Variants in TRAPPC12 observed in about 807,000 individuals in gnomAD.
The protein encoded by TRAPPC12 is trafficking protein particle complex subunit 12, also known as TPR repeat protein 15.
Under a neutral mutation model 69.2 loss-of-function variants are expected in TRAPPC12, and 61 were observed. That is an observed-to-expected ratio of 0.88 (90% CI 0.72 to 1.09). The LOEUF (loss-of-function observed/expected upper bound fraction) is 1.09, where lower values mean the gene tolerates loss of function less well. Among genes scored for constraint, TRAPPC12 ranks in the 50% least tolerant of loss-of-function variants. The pLI is 0.00. For missense variants in TRAPPC12, 1,101 were observed against 1,016.4 expected, an observed-to-expected ratio of 1.08 and a Z score of -1.13; for synonymous variants, 469 against 438.9, an observed-to-expected ratio of 1.07 and a Z score of -0.86.
chr2:3,437,748 A>C (rs1572159632), intron 5 of TRAPPC12, among the ~76,000 whole-genome samples: 1 of 4,440 alleles, frequency 2.3e-4, no homozygotes, highest in Non-Finnish European at 4.4e-4. Context: ...TCCCCCCATC[A>C]CCCCTGGATT....
intron 3 of TRAPPC12, among the ~76,000 whole-genome samples, chr2:3,406,182 A>G (rs1025648718): frequency 1.3e-5 from 2 of 152,182 alleles, no homozygotes; most frequent in African/African-American, 2.4e-5. Context: ...TGTCACTCAC[A>G]TGGTCACGCA....
At chr2:3,463,326 G>A (rs183809755) in intron 8 of TRAPPC12, among the ~76,000 whole-genome samples, 5 of 151,996 alleles carry the variant, frequency 3.3e-5, no homozygotes, top group South Asian at 2.1e-4. Flanking sequence ...ACACAGACAC[G>A]TGTCATGTTC....
intron 5 of TRAPPC12, among the ~76,000 whole-genome samples, chr2:3,435,102 T>C (rs1663680514): frequency 6.6e-6 from 1 of 152,124 alleles, no homozygotes; most frequent in Non-Finnish European, 1.5e-5. Context: ...AATGTCCACC[T>C]CCCACATTCA....
chr2:3,470,312 C>G (rs1344459078), intron 9 of TRAPPC12, among the ~76,000 whole-genome samples: 2 of 152,278 alleles, frequency 1.3e-5, no homozygotes, highest in Non-Finnish European at 2.9e-5. Context: ...GCTGACGTGC[C>G]CCTCCCCAGG....
chr2:3,406,051 C>G (rs1189238981), intron 3 of TRAPPC12, among the ~76,000 whole-genome samples: 1 of 152,158 alleles, frequency 6.6e-6, no homozygotes, highest in Admixed American at 6.5e-5. Context: ...GAGCAAAGTT[C>G]CCAGCTGTTC....
At chr2:3,451,947 G>A (rs1286288757) in intron 6 of TRAPPC12, among the ~76,000 whole-genome samples, 1 of 152,218 alleles carries the variant, frequency 6.6e-6, no homozygotes, top group Non-Finnish European at 1.5e-5. Context: ...ATTTGCCTGT[G>A]TGTTGACCAT....
intron 1 of TRAPPC12, among the ~76,000 whole-genome samples, chr2:3,384,602 C>G (rs1039012248): frequency 6.6e-6 from 1 of 152,170 alleles, no homozygotes; most frequent in East Asian, 1.9e-4. Flanking sequence ...TCGCATTAAA[C>G]CAACAGTACA....
At chr2:3,420,390 A>G (rs183565427) in intron 3 of TRAPPC12, among the ~76,000 whole-genome samples, 13 of 152,292 alleles carry the variant, frequency 8.5e-5, no homozygotes, top group African/African-American at 2.6e-4. Flanking sequence ...TGGATTGATG[A>G]AGAAACAGTT....
At chr2:3,469,730 G>T (rs552577747) in intron 9 of TRAPPC12, among the ~76,000 whole-genome samples, 13 of 152,286 alleles carry the variant, frequency 8.5e-5, no homozygotes, top group Admixed American at 2.6e-4. Flanking sequence ...CAGGCTGCGG[G>T]GTTGCCCCTC....
At chr2:3,453,298 C>G (rs972011244) in intron 6 of TRAPPC12, among the ~76,000 whole-genome samples, 1 of 152,232 alleles carries the variant, frequency 6.6e-6, no homozygotes, top group Non-Finnish European at 1.5e-5. Context: ...CAGACAGCTC[C>G]ATGGAGCTCC....
At chr2:3,478,638 A>C in intron 10 of TRAPPC12, 1 of 518,296 alleles carries the variant, frequency 1.9e-6, no homozygotes, top group South Asian at 2.7e-5. Context: ...CCATCTAAAA[A>C]ATAAAAATAA....
chr2:3,457,126 A>G (rs2103132068), intron 6 of TRAPPC12: 1 of 464,858 alleles, frequency 2.2e-6, no homozygotes, highest in Admixed American at 2.3e-5. Flanking sequence ...CCGTAAAAAA[A>G]GAACCAAATC....
chr2:3,421,235 A>G (rs1342439795), intron 3 of TRAPPC12, among the ~76,000 whole-genome samples: 1 of 152,256 alleles, frequency 6.6e-6, no homozygotes, highest in Non-Finnish European at 1.5e-5. Context: ...CACAAGGGCA[A>G]AGATAAACAC....
At position 3,388,578 on chromosome 2, in the gene TRAPPC12, G is replaced by C; in HGVS notation, c.955G>C (p.Val319Leu). ...AWLPGEATRGVLRAVATQQRG... is the reference protein window; with the variant it reads ...AWLPGEATRGLLRAVATQQRG... ...GCTTCCCGGCGAGGCTACGCGTGGA[G>C]TCCTGCGGGCCGTGGCCACCCAGCA... Residue 319 changes from valine to leucine, a missense_variant, in exon 2 of 12, where the codon GTC (valine) becomes CTC (leucine). Coordinates refer to ENST00000324266, the MANE Select transcript of TRAPPC12 (RefSeq NM_016030.6). 1 of 1,612,192 alleles carries C rather than the reference G, an allele frequency of 6.2e-7. No individual in the cohort carries two copies. Among genetic ancestry groups the C allele is most frequent in the South Asian group, 1.1e-5 (1 of 90,810 alleles).
Position 3,457,671 on chromosome 2 carries a change from C to G in TRAPPC12, c.1581C>G (p.Ser527Arg), listed in dbSNP as rs199541864. ...QGLAEDGGMS[S>R]VTQEGRQASI... ...TAGCAGAAGACGGCGGCATGAGCAGCGTGACTCAGGAGGGCAGACAAGGTG... is the reference window on the plus strand; with the variant it reads ...TAGCAGAAGACGGCGGCATGAGCAGGGTGACTCAGGAGGGCAGACAAGGTG... Residue 527 changes from serine (S) to arginine (R), a missense_variant, in exon 7 of 12, where the codon AGC becomes AGG. Ser to Arg is a moderately radical substitution (Grantham distance 110, BLOSUM62 -1). Coordinates refer to ENST00000324266, the MANE Select transcript of TRAPPC12 (RefSeq NM_016030.6). 11 of 1,611,356 alleles carry G rather than the reference C, an allele frequency of 6.8e-6. No homozygotes were observed. The highest frequency in any genetic ancestry group is 1.3e-5 in the African/African-American group (1 of 74,906).
intron 6 of TRAPPC12, among the ~76,000 whole-genome samples, chr2:3,450,111 C>T (rs2103116219): frequency 6.6e-6 from 1 of 152,296 alleles, no homozygotes; most frequent in East Asian, 1.9e-4. Context: ...GTGGCCAATC[C>T]TGGGACATGG....
rs1663513810 is a variant in TRAPPC12, at chr2:3,432,819, C to G, written c.1417+8156C>G. ...ACCATGAGAACACCCAAATGGAGAC[C>G]TCTCCTTATCCTGTCTGCACAAGAT... On this transcript the variant is annotated intron_variant, in intron 5 of 11. Coordinates refer to ENST00000324266, the MANE Select transcript of TRAPPC12 (RefSeq NM_016030.6). Among the ~76,000 whole-genome samples, 2 of 152,146 alleles carry G rather than the reference C, an allele frequency of 1.3e-5. 1 individual carries two copies. The highest frequency in any genetic ancestry group is 2.9e-5 in the Non-Finnish European group (2 of 68,036).
chr2:3,472,131 A>G (rs769895372), intron 9 of TRAPPC12, among the ~76,000 whole-genome samples: 7 of 152,146 alleles, frequency 4.6e-5, no homozygotes, highest in Non-Finnish European at 7.4e-5. Flanking sequence ...TATGGCTGAG[A>G]GGACCTCAGC....
chr2:3,457,200 C>T (rs1403117197), intron 6 of TRAPPC12: 1 of 450,360 alleles, frequency 2.2e-6, no homozygotes, highest in African/African-American at 2.0e-5. Flanking sequence ...AACACAGAAA[C>T]AGAAAACCAA....
Sources: allele counts gnomAD v4.1 joint callset (sites outside exome capture counted in the v4.1 genomes callset), GRCh38; gene constraint gnomAD v4.1.1; transcripts MANE v1.5; gene names NCBI Gene and HGNC (gene_info 2026-07-23, HGNC 2026-07-21).